The following DCC variants were observed in gnomAD, a reference collection of about 807,000 sequenced individuals.
DCC encodes netrin receptor DCC.
DCC carries 58 observed loss-of-function variants against 172.5 expected under a neutral mutation model. The ratio of observed to expected loss-of-function variants is 0.34; its 90% CI spans 0.27 to 0.42. The LOEUF (loss-of-function observed/expected upper bound fraction) is 0.42. Among genes scored for constraint, DCC ranks in the 10% least tolerant of loss-of-function variants. The probability of loss-of-function intolerance (pLI) is 1.00; values close to 1 mark genes in which losing one functional copy is unlikely to be tolerated. For synonymous variants in DCC, 709 were observed against 644.5 expected (o/e 1.10, Z -1.52); for missense variants, 1,740 against 1,791.0 (o/e 0.97, Z 0.51).
intron 16 of DCC, among the ~76,000 whole-genome samples, chr18:53,387,107 T>G (rs922370124): frequency 6.6e-6 from 1 of 152,188 alleles, no homozygotes; most frequent in Non-Finnish European, 1.5e-5. Context: ...CGTGAGATGT[T>G]ACTGATGTTT....
chr18:52,429,441 T>G (rs1339301588), intron 1 of DCC, among the ~76,000 whole-genome samples: 1 of 152,154 alleles, frequency 6.6e-6, no homozygotes, highest in Non-Finnish European at 1.5e-5. Flanking sequence ...CTCTTTACGT[T>G]TGATGTTAGA....
intron 7 of DCC, among the ~76,000 whole-genome samples, chr18:53,085,257 A>G (rs942761514): frequency 3.4e-4 from 52 of 152,318 alleles, no homozygotes; most frequent in African/African-American, 1.2e-3. Flanking sequence ...ATCTAAAGGA[A>G]GAATTTAGCA....
chr18:52,850,040 C>T (rs146541038), intron 2 of DCC, among the ~76,000 whole-genome samples: 72 of 152,220 alleles, frequency 4.7e-4, no homozygotes, highest in Non-Finnish European at 9.1e-4. Flanking sequence ...TGGTGGGGTT[C>T]GTATGATTTT....
chr18:52,420,527 G>T (rs373553597), intron 1 of DCC, among the ~76,000 whole-genome samples: 18 of 152,264 alleles, frequency 1.2e-4, no homozygotes, highest in African/African-American at 4.1e-4. Context: ...CTTCCTGGGG[G>T]TGACTCTTAA....
Position 52,699,783 on chromosome 18 carries a change from G to C in DCC, c.92-52271G>C, listed in dbSNP as rs141392342. 6.8e-3 allele frequency among the ~76,000 whole-genome samples: 1,028 copies of C among 152,062 alleles called. 7 individuals carry two copies. The highest frequency in any genetic ancestry group is 0.01 in the Non-Finnish European group (706 of 67,966). The stretch of plus-strand genomic sequence containing the variant: ...TATTACTTTTTTTTTCTCTGAATTG[G>C]ATGTCAGCAGACATGAACTCTAGTC... On this transcript the variant is annotated intron_variant, in intron 1 of 28. Transcript: ENST00000442544.
chr18:52,862,207 G>A (rs1162078122), intron 2 of DCC, among the ~76,000 whole-genome samples: 1 of 151,814 alleles, frequency 6.6e-6, no homozygotes, highest in Admixed American at 6.6e-5. Context: ...GGGCTTCCAG[G>A]AGTTCTTTTT....
chr18:52,495,428 C>A (rs2030703445), intron 1 of DCC, among the ~76,000 whole-genome samples: 7 of 152,044 alleles, frequency 4.6e-5, no homozygotes, highest in Admixed American at 2.6e-4. Flanking sequence ...TGTCAAATGC[C>A]CCAAGAGAGA....
intron 5 of DCC, among the ~76,000 whole-genome samples, chr18:52,971,092 C>G (rs2041022724): frequency 6.6e-6 from 1 of 152,170 alleles, no homozygotes; most frequent in Non-Finnish European, 1.5e-5. Flanking sequence ...AAAAAACATT[C>G]TGACTCTGAG....
At chr18:53,168,448 A>G (rs2054958844) in intron 8 of DCC, among the ~76,000 whole-genome samples, 1 of 151,946 alleles carries the variant, frequency 6.6e-6, no homozygotes, top group Admixed American at 6.6e-5. Flanking sequence ...CATCATTCTC[A>G]GCAAACTAAT....
chr18:52,817,350 G>T (rs1018329477), intron 2 of DCC, among the ~76,000 whole-genome samples: 1 of 151,768 alleles, frequency 6.6e-6, no homozygotes, highest in Non-Finnish European at 1.5e-5. Context: ...CAATAGCATC[G>T]AAATTTTATA....
chr18:52,712,637 T>C (rs2145058110), intron 1 of DCC, among the ~76,000 whole-genome samples: 1 of 152,342 alleles, frequency 6.6e-6, no homozygotes, highest in East Asian at 1.9e-4. Context: ...GCATCAACAG[T>C]ACATAGCAAA....
At chr18:52,610,382 C>A (rs1250246285) in intron 1 of DCC, among the ~76,000 whole-genome samples, 31 of 49,966 alleles carry the variant, frequency 6.2e-4, no homozygotes, top group Admixed American at 1.5e-3. Context: ...TCTGTCTCAA[C>A]AAAAAAAAAA....
At chr18:53,355,251 A>G (rs1424822270) in intron 15 of DCC, among the ~76,000 whole-genome samples, 2 of 151,534 alleles carry the variant, frequency 1.3e-5, no homozygotes, top group African/African-American at 4.9e-5. Flanking sequence ...TTGACTTGGC[A>G]ATGCGGGCTC....
intron 27 of DCC, among the ~76,000 whole-genome samples, chr18:53,504,227 C>T (rs541341209): frequency 6.6e-6 from 1 of 152,154 alleles, no homozygotes; most frequent in East Asian, 1.9e-4. Flanking sequence ...CAATTGCTTT[C>T]CCTGAGCCAC....
At chr18:53,054,837 T>C (rs2042381798) in intron 5 of DCC, among the ~76,000 whole-genome samples, 1 of 152,132 alleles carries the variant, frequency 6.6e-6, no homozygotes. Context: ...AAGTATACTA[T>C]TAGGGTTTGA....
chr18:52,603,787 A>C (rs972039158), intron 1 of DCC, among the ~76,000 whole-genome samples: 8 of 152,002 alleles, frequency 5.3e-5, no homozygotes, highest in African/African-American at 1.7e-4. Context: ...TAAAAAGAAG[A>C]AGCTAAGCTT....
chr18:52,594,741 C>T (rs1418152079), intron 1 of DCC, among the ~76,000 whole-genome samples: 1 of 152,142 alleles, frequency 6.6e-6, no homozygotes, highest in Non-Finnish European at 1.5e-5. Flanking sequence ...AGGCACATCA[C>T]ATGGCAAAAA....
intron 15 of DCC, among the ~76,000 whole-genome samples, chr18:53,370,175 T>C (rs2058045871): frequency 6.6e-6 from 1 of 151,846 alleles, no homozygotes; most frequent in African/African-American, 2.4e-5. Context: ...TGATTTAGTC[T>C]TGGTTGGTAG....
intron 5 of DCC, among the ~76,000 whole-genome samples, chr18:52,943,258 T>G (rs772862180): frequency 5.9e-5 from 9 of 152,322 alleles, no homozygotes; most frequent in Non-Finnish European, 1.0e-4. Context: ...TTCTGCTGCC[T>G]CTTTCTCCTT....
Sources: allele counts gnomAD v4.1 joint callset (sites outside exome capture counted in the v4.1 genomes callset), GRCh38; gene constraint gnomAD v4.1.1; transcripts MANE v1.5; gene names NCBI Gene and HGNC (gene_info 2026-07-23, HGNC 2026-07-21).